The following WWC1 variants were observed in gnomAD, a reference collection of about 807,000 sequenced individuals.
WWC1 encodes WW and C2 domain containing 1, also known as protein KIBRA.
In WWC1, 55 loss-of-function variants were observed where a neutral mutation model predicts 138.4. That is an observed-to-expected ratio of 0.40 (90% CI 0.32 to 0.50). WWC1 has a LOEUF of 0.50. WWC1 is among the 20% of genes least tolerant of loss of function. The pLI, the probability that WWC1 is intolerant of heterozygous loss-of-function variation, is 0.72. For missense variants in WWC1, 1,226 were observed against 1,420.4 expected (o/e 0.86, Z 2.20); for synonymous variants, 524 against 564.9 (o/e 0.93, Z 1.03).
chr5:168,420,124 CT>C (rs1273247996), intron 9 of WWC1, among the ~76,000 whole-genome samples: 1 of 152,192 alleles, frequency 6.6e-6, no homozygotes, highest in Non-Finnish European at 1.5e-5. Context: ...CTTGTTTTTG[CT>C]TCTGTATTTT....
chr5:168,466,568 G>C (rs568671307), intron 21 of WWC1, among the ~76,000 whole-genome samples: 9 of 152,142 alleles, frequency 5.9e-5, no homozygotes, highest in African/African-American at 1.7e-4. Context: ...ACTGATATGG[G>C]AGCTTCAAAC....
chr5:168,393,148 A>G (rs1192527485), intron 3 of WWC1, among the ~76,000 whole-genome samples: 1 of 152,240 alleles, frequency 6.6e-6, no homozygotes, highest in Non-Finnish European at 1.5e-5. Flanking sequence ...CAGGAAATCT[A>G]CTATCTGAGG....
chr5:168,419,819 C>A (rs867611163), intron 9 of WWC1, among the ~76,000 whole-genome samples: 2 of 152,172 alleles, frequency 1.3e-5, no homozygotes, highest in African/African-American at 4.8e-5. Context: ...GGAGTCCACC[C>A]AAGCTGCCCT....
chr5:168,426,851 G>T (rs1442429764), intron 11 of WWC1, among the ~76,000 whole-genome samples: 1 of 152,232 alleles, frequency 6.6e-6, no homozygotes, highest in Admixed American at 6.5e-5. Context: ...GTAAGATCTG[G>T]ATCTGGCCTT....
At chr5:168,423,149 CAAAAAA>C (rs773855632) in intron 10 of WWC1, among the ~76,000 whole-genome samples, 1 of 71,298 alleles carries the variant, frequency 1.4e-5, no homozygotes. Flanking sequence ...CATCCCCCCC[CAAAAAA>C]AAAAAAAAAA....
intron 3 of WWC1, among the ~76,000 whole-genome samples, chr5:168,395,173 T>G (rs1582144603): frequency 6.6e-6 from 1 of 152,330 alleles, no homozygotes; most frequent in East Asian, 1.9e-4. Context: ...GGTCTTGCCA[T>G]TTTTACAGAC....
At chr5:168,354,575 A>G (rs868293246) in intron 1 of WWC1, among the ~76,000 whole-genome samples, 2 of 152,196 alleles carry the variant, frequency 1.3e-5, no homozygotes, top group Non-Finnish European at 2.9e-5. Flanking sequence ...CCTAGGTACA[A>G]AAGTCATGAT....
intron 1 of WWC1, among the ~76,000 whole-genome samples, chr5:168,360,504 T>C (rs1484216344): frequency 6.6e-6 from 1 of 152,258 alleles, no homozygotes; most frequent in Non-Finnish European, 1.5e-5. Context: ...AGTGCTTCAC[T>C]GGCCTTAAGT....
intron 2 of WWC1, among the ~76,000 whole-genome samples, chr5:168,372,658 C>T (rs1776849852): frequency 6.6e-6 from 1 of 152,196 alleles, no homozygotes; most frequent in Non-Finnish European, 1.5e-5. Context: ...CTACTTAAGA[C>T]TCACAGCTAA....
At chr5:168,358,628 A>C (rs1261789258) in intron 1 of WWC1, among the ~76,000 whole-genome samples, 1 of 152,216 alleles carries the variant, frequency 6.6e-6, no homozygotes. Context: ...CTACATCTAT[A>C]AAATGGAGCT....
chr5:168,308,251 C>G (rs1391418039), intron 1 of WWC1, among the ~76,000 whole-genome samples: 1 of 152,134 alleles, frequency 6.6e-6, no homozygotes, highest in East Asian at 1.9e-4. Context: ...TAGGAAAAGG[C>G]AGAGCAGTGA....
intron 19 of WWC1, 67 bp downstream of exon 19, chr5:168,455,587 G>A: frequency 6.4e-7 from 1 of 1,567,344 alleles, no homozygotes; most frequent in Non-Finnish European, 8.6e-7. Flanking sequence ...AGGGCTGGGT[G>A]CAAATCCCAT....
intron 15 of WWC1, among the ~76,000 whole-genome samples, chr5:168,434,055 G>A (rs993682057): frequency 2.0e-5 from 3 of 152,236 alleles, no homozygotes; most frequent in Admixed American, 6.5e-5. Flanking sequence ...CCCAGAGATG[G>A]GGGTGGTGAC....
intron 1 of WWC1, among the ~76,000 whole-genome samples, chr5:168,326,418 T>C (rs1476021708): frequency 6.6e-6 from 1 of 152,056 alleles, no homozygotes; most frequent in Non-Finnish European, 1.5e-5. Context: ...GGTTTCTCCA[T>C]GTTGGTCAGG....
At chr5:168,463,531 A>AT (rs915723613) in intron 20 of WWC1, among the ~76,000 whole-genome samples, 1 of 152,206 alleles carries the variant, frequency 6.6e-6, no homozygotes, top group African/African-American at 2.4e-5. Context: ...AGGAGAGGAG[A>AT]TTATACAGGG....
chr5:168,423,034 C>T (rs6876370), intron 10 of WWC1, among the ~76,000 whole-genome samples: 79,836 of 150,780 alleles, frequency 0.53, 22,484 homozygotes, highest in East Asian at 0.99. Context: ...TAGTCCCAGC[C>T]ACTTGGGAGG....
intron 1 of WWC1, among the ~76,000 whole-genome samples, chr5:168,314,442 C>A (rs1328657646): frequency 6.6e-6 from 1 of 152,064 alleles, no homozygotes; most frequent in Non-Finnish European, 1.5e-5. Context: ...TGGTGCACAC[C>A]TGTAATCCCA....
intron 8 of WWC1, chr5:168,412,268 A>G: frequency 2.2e-6 from 2 of 891,530 alleles, no homozygotes; most frequent in Non-Finnish European, 1.3e-6. Flanking sequence ...ATTTTAGTGT[A>G]AAGGACAGAG....
chr5:168,341,126 C>T (rs188894790), intron 1 of WWC1, among the ~76,000 whole-genome samples: 3 of 152,114 alleles, frequency 2.0e-5, no homozygotes, highest in Non-Finnish European at 2.9e-5. Flanking sequence ...ATCGAAGACA[C>T]GGGAAATAAC....
Sources: gnomAD v4.1 joint callset for allele counts (sites outside exome capture counted in the v4.1 genomes callset) on GRCh38, gnomAD v4.1.1 for gene constraint, MANE v1.5 for transcripts, NCBI Gene and HGNC (gene_info 2026-07-23, HGNC 2026-07-21) for gene names.